Variants in CHKA observed in about 807,000 individuals in gnomAD.
CHKA encodes choline kinase alpha.
CHKA carries 34 observed loss-of-function variants against 60.1 expected under a neutral mutation model. That is an observed-to-expected ratio of 0.57 (90% CI 0.43 to 0.75). The LOEUF (loss-of-function observed/expected upper bound fraction) is 0.75, where lower values mean the gene tolerates loss of function less well. CHKA is among the 30% of genes least tolerant of loss of function. The pLI is 0.00. For missense variants in CHKA, 563 were observed against 561.3 expected, an observed-to-expected ratio of 1.00 and a Z score of -0.03; for synonymous variants, 217 against 223.1, an observed-to-expected ratio of 0.97 and a Z score of 0.24.
At chr11:68,057,544 C>T (rs1856069620) in intron 11 of CHKA, among the ~76,000 whole-genome samples, 1 of 152,194 alleles carries the variant, frequency 6.6e-6, no homozygotes, top group South Asian at 2.1e-4. Context: ...TGGTCTCAAT[C>T]TCCTGACCTC....
In CHKA at chr11:68,121,289, G is replaced by T. The variant is rs1858641267; in HGVS notation, c.-112C>A. On this transcript the variant is annotated 5_prime_UTR_variant, in exon 1 of 12. Transcript: ENST00000265689. Reference sequence around the variant, plus strand: ...CTCACTGGCAGGCCGGCGGGGCAGGGGGCCGCGGCGGTTGGGCGCGCGGGG... The same window carrying T: ...CTCACTGGCAGGCCGGCGGGGCAGGTGGCCGCGGCGGTTGGGCGCGCGGGG... 33 of 913,050 alleles carry T rather than the reference G, an allele frequency of 3.6e-5. No homozygotes were observed. Among genetic ancestry groups the T allele is most frequent in the Non-Finnish European group, 4.4e-5 (33 of 751,604 alleles). 56.6% of individuals were successfully genotyped at this position (913,050 alleles called of 1,614,324 possible). A position where few individuals can be genotyped will look rare whatever the true frequency, so the allele number is the denominator to read the frequency against.
intron 1 of CHKA, among the ~76,000 whole-genome samples, chr11:68,116,688 G>A (rs1858394794): frequency 6.6e-6 from 1 of 151,444 alleles, no homozygotes; most frequent in African/African-American, 2.4e-5. Flanking sequence ...TTGTGCTCCC[G>A]CCTGGGCAAC....
intron 1 of CHKA, among the ~76,000 whole-genome samples, chr11:68,104,457 A>G (rs1473099647): frequency 2.0e-5 from 3 of 152,190 alleles, no homozygotes; most frequent in East Asian, 1.9e-4. Flanking sequence ...GTTTTGCTCT[A>G]TCATCCAGGC....
chr11:68,084,152 C>T (rs1281710324), intron 2 of CHKA, among the ~76,000 whole-genome samples: 1 of 149,674 alleles, frequency 6.7e-6, no homozygotes, highest in Non-Finnish European at 1.5e-5. Context: ...GAGGCTGAGG[C>T]AGGAGAATCG....
At chr11:68,056,838 T>C (rs370824290) in intron 11 of CHKA, among the ~76,000 whole-genome samples, 65 of 151,920 alleles carry the variant, frequency 4.3e-4, no homozygotes, top group African/African-American at 1.5e-3. Context: ...AGTGAGACCC[T>C]GTCTTAAAAA....
intron 10 of CHKA, among the ~76,000 whole-genome samples, chr11:68,064,275 G>T (rs1398549496): frequency 6.6e-6 from 1 of 152,130 alleles, no homozygotes; most frequent in Non-Finnish European, 1.5e-5. Context: ...GGACATGGTG[G>T]CAGGCACCTG....
At chr11:68,098,256 G>A (rs1468528865) in intron 1 of CHKA, among the ~76,000 whole-genome samples, 1 of 135,066 alleles carries the variant, frequency 7.4e-6, no homozygotes, top group African/African-American at 2.8e-5. Flanking sequence ...GGGCGACAGA[G>A]TGAGACTCCT....
At chr11:68,101,540 T>C (rs943468517) in intron 1 of CHKA, among the ~76,000 whole-genome samples, 1 of 151,980 alleles carries the variant, frequency 6.6e-6, no homozygotes, top group Non-Finnish European at 1.5e-5. Context: ...GGAAGATCAC[T>C]TGAGCCCAGG....
chr11:68,083,955 T>A (rs763173634), intron 2 of CHKA, among the ~76,000 whole-genome samples: 20 of 151,860 alleles, frequency 1.3e-4, no homozygotes, highest in Non-Finnish European at 2.8e-4. Context: ...AAGTTAAATA[T>A]ATTTTGGGGC....
At chr11:68,092,293 C>T (rs1297430359) in intron 2 of CHKA, among the ~76,000 whole-genome samples, 1 of 152,176 alleles carries the variant, frequency 6.6e-6, no homozygotes, top group Non-Finnish European at 1.5e-5. Context: ...TCAATCCTGA[C>T]AATTTATCAT....
chr11:68,111,824 C>T (rs922736736), intron 1 of CHKA, among the ~76,000 whole-genome samples: 2 of 151,950 alleles, frequency 1.3e-5, no homozygotes, highest in South Asian at 4.2e-4. Context: ...GAGGCTGAGG[C>T]GGGTGGATCA....
chr11:68,054,013 T>G lies in CHKA; in HGVS notation c.1349A>C (p.His450Pro), dbSNP rs1302620998. ...TCACACCCCAAGCTTCCTCTTCTGG[T>G]GGAAATAGGCATCAAACCTTGCTTG... is the stretch of plus-strand genomic sequence containing the variant. ...YAQARFDAYFHQKRKLGV is the reference protein window; with the variant it reads ...YAQARFDAYFPQKRKLGV Residue 450 changes from histidine to proline, a missense_variant, in exon 12 of 12, where the codon CAC becomes CCC. Coordinates refer to ENST00000265689, the MANE Select transcript of CHKA (RefSeq NM_001277.3). The G allele has an allele frequency of 6.2e-7, 1 of 1,613,516 alleles. No homozygotes were observed. The highest frequency in any genetic ancestry group is 1.3e-5 in the African/African-American group (1 of 74,908).
chr11:68,085,092 G>C (rs1857138330), intron 2 of CHKA, among the ~76,000 whole-genome samples: 1 of 152,068 alleles, frequency 6.6e-6, no homozygotes, highest in East Asian at 1.9e-4. Context: ...TTTGGGCTTA[G>C]TTTTCAAGAG....
At chr11:68,118,023 A>C (rs1196246612) in intron 1 of CHKA, among the ~76,000 whole-genome samples, 1 of 152,194 alleles carries the variant, frequency 6.6e-6, no homozygotes. Context: ...GCGAAAGCAG[A>C]AGCACATTCC....
At chr11:68,087,380 G>C (rs888098978) in intron 2 of CHKA, among the ~76,000 whole-genome samples, 1 of 152,030 alleles carries the variant, frequency 6.6e-6, no homozygotes, top group Admixed American at 6.6e-5. Flanking sequence ...TACTTGGAAG[G>C]CTGAGGCGGG....
At chr11:68,064,425 A>C (rs1483388669) in intron 10 of CHKA, 100 bp downstream of exon 10, 2 of 575,984 alleles carry the variant, frequency 3.5e-6, no homozygotes, top group African/African-American at 2.0e-5. Context: ...AAAAAAGAAG[A>C]AGAAGCTCTA....
At chr11:68,107,765 A>T (rs1009346616) in intron 1 of CHKA, among the ~76,000 whole-genome samples, 3 of 152,006 alleles carry the variant, frequency 2.0e-5, no homozygotes, top group Non-Finnish European at 4.4e-5. Flanking sequence ...GCCTCTGCCT[A>T]CCCTTCCCAC....
At chr11:68,111,086 G>A (rs372810380) in intron 1 of CHKA, among the ~76,000 whole-genome samples, 2 of 151,674 alleles carry the variant, frequency 1.3e-5, no homozygotes, top group South Asian at 2.1e-4. Context: ...TCAGAGGACC[G>A]ACAATACTCA....
intron 6 of CHKA, 114 bp from the exon 7 acceptor site, chr11:68,069,051 A>C (rs1468115064): frequency 9.9e-6 from 7 of 709,076 alleles, no homozygotes; most frequent in Non-Finnish European, 1.5e-5. Context: ...ACACAGTTTC[A>C]GAGTAGTATC....
Sources: allele counts gnomAD v4.1 joint callset (sites outside exome capture counted in the v4.1 genomes callset), GRCh38; gene constraint gnomAD v4.1.1; transcripts MANE v1.5; gene names NCBI Gene and HGNC (gene_info 2026-07-23, HGNC 2026-07-21).